FANK1: variants seen among roughly 807,000 people sequenced by gnomAD.
FANK1 encodes fibronectin type III and ankyrin repeat domains 1.
A neutral mutation model predicts 45.3 loss-of-function variants in FANK1; 44 were observed. The ratio of observed to expected loss-of-function variants is 0.97; its 90% CI spans 0.76 to 1.25. FANK1 has a LOEUF of 1.25. FANK1 is among the 50% of genes most tolerant of loss of function. FANK1 has a pLI of 0.00. For missense variants in FANK1, 391 were observed against 424.4 expected (o/e 0.92, Z 0.69); for synonymous variants, 149 against 152.5 (o/e 0.98, Z 0.17).
intron 1 of FANK1, among the ~76,000 whole-genome samples, chr10:125,970,631 G>C (rs1460575422): frequency 6.6e-6 from 1 of 152,180 alleles, no homozygotes; most frequent in Non-Finnish European, 1.5e-5. Context: ...GGGCCAACAC[G>C]GCGAAACCCC....
At chr10:125,960,874 A>G (rs1949880567) in intron 1 of FANK1, among the ~76,000 whole-genome samples, 1 of 152,152 alleles carries the variant, frequency 6.6e-6, no homozygotes, top group South Asian at 2.1e-4. Flanking sequence ...GACATTCTTC[A>G]TAGAAATAAA....
intron 1 of FANK1, among the ~76,000 whole-genome samples, chr10:125,976,666 A>G (rs141826189): frequency 0.022 from 3,290 of 151,636 alleles, 117 homozygotes; most frequent in African/African-American, 0.075. Flanking sequence ...TCTGTCACCC[A>G]GGCTGGAGTG....
chr10:125,949,492 C>A (rs1949051532), intron 1 of FANK1, among the ~76,000 whole-genome samples: 2 of 152,146 alleles, frequency 1.3e-5, no homozygotes, highest in South Asian at 4.2e-4. Context: ...AGAGCCAAAT[C>A]ATGAGTGAAC....
At chr10:125,943,827 C>T (rs932113139) in intron 1 of FANK1, among the ~76,000 whole-genome samples, 5 of 152,150 alleles carry the variant, frequency 3.3e-5, no homozygotes, top group Admixed American at 6.6e-5. Flanking sequence ...TCAAGAAGAA[C>T]GTGTAACTTG....
intron 7 of FANK1, among the ~76,000 whole-genome samples, chr10:126,006,428 T>C (rs758867949): frequency 3.9e-5 from 6 of 152,218 alleles, no homozygotes; most frequent in Non-Finnish European, 7.3e-5. Context: ...TGGGCTTCCA[T>C]AGTAGAGCCG....
At chr10:125,991,250 GGTGTGT>G (rs113257579) in intron 3 of FANK1, among the ~76,000 whole-genome samples, 40 of 145,998 alleles carry the variant, frequency 2.7e-4, no homozygotes, top group Admixed American at 1.2e-3. Flanking sequence ...GGTGACCAGG[GGTGTGT>G]GTGTGTGTGT....
chr10:125,933,229 C>T (rs949598260), intron 1 of FANK1, among the ~76,000 whole-genome samples: 3 of 151,850 alleles, frequency 2.0e-5, no homozygotes, highest in African/African-American at 7.3e-5. Flanking sequence ...CTTTGAATAT[C>T]TGGTAGAATT....
intron 1 of FANK1, among the ~76,000 whole-genome samples, chr10:125,899,056 C>T (rs76326383): frequency 3.3e-5 from 5 of 151,752 alleles, no homozygotes; most frequent in Admixed American, 6.6e-5. Context: ...CACCATACCC[C>T]GCTAATTTAT....
In FANK1 at chr10:125,994,520, TAGC is replaced by T. The variant is rs1293593773; in HGVS notation, c.317-896_317-894del. The T allele has an allele frequency of 4.1e-6, 4 of 985,274 alleles. No homozygotes were observed. The African/African-American group carries it at 7.0e-5, about 17-fold the overall frequency. 61.0% of individuals were successfully genotyped at this position (985,274 alleles called of 1,614,324 possible). A position where few individuals can be genotyped will look rare whatever the true frequency, so the allele number is the denominator to read the frequency against. ...GTGGGGCTGTATCCACTGACGATGG[TAGC>T]TGCTGTACTGTCACCCCCAACAACA... is the stretch of plus-strand genomic sequence containing the variant. On this transcript the variant is annotated intron_variant, in intron 3 of 10. Coordinates refer to ENST00000368693, the MANE Select transcript of FANK1 (RefSeq NM_145235.5).
At position 125,907,054 on chromosome 10, in the gene FANK1, A is replaced by T. The variant is rs2096165; in HGVS notation, c.13+10399A>T. 2.1e-4 allele frequency among the ~76,000 whole-genome samples: 32 copies of T among 152,314 alleles called. No individual in the cohort carries two copies. The South Asian group carries it at 6.6e-3, about 32-fold the overall frequency. Reference sequence around the variant, plus strand: ...TTACTGAACCAGGGTTGTTCTAAGGATTAGTGAAATGTATGTAAAGCCTTT... The same window carrying T: ...TTACTGAACCAGGGTTGTTCTAAGGTTTAGTGAAATGTATGTAAAGCCTTT... On this transcript the variant is annotated intron_variant, in intron 1 of 10. Coordinates refer to ENST00000368693, the MANE Select transcript of FANK1 (RefSeq NM_145235.5).
intron 3 of FANK1, chr10:125,994,352 C>T (rs1328650702): frequency 2.0e-6 from 2 of 979,750 alleles, no homozygotes; most frequent in Non-Finnish European, 2.4e-6. Flanking sequence ...GAGCCTAGCA[C>T]AGGACTTGGC....
At chr10:125,913,216 C>G (rs1365139150) in intron 1 of FANK1, among the ~76,000 whole-genome samples, 5 of 152,156 alleles carry the variant, frequency 3.3e-5, no homozygotes, top group Non-Finnish European at 7.3e-5. Context: ...TGGTAATTCT[C>G]CACCCTTATC....
rs1310944869 is a variant in FANK1 at position 125,983,784 on chromosome 10, T to G, written c.191+3446T>G. Reference sequence around the variant, plus strand: ...TGAGGGTTATTGGGAGAACTCTGGCTTACTCTGAGAGAGGCGGGGAAAGCC... The same window carrying G: ...TGAGGGTTATTGGGAGAACTCTGGCGTACTCTGAGAGAGGCGGGGAAAGCC... On this transcript the variant is annotated intron_variant, in intron 2 of 10. Transcript: ENST00000368693. This position sits in a 1 kb window ranked among gnomAD's most constrained non-coding sequence, Gnocchi z 4.3. Among the ~76,000 whole-genome samples, 1 of 152,136 alleles carries G rather than the reference T, an allele frequency of 6.6e-6. No individual in the cohort carries two copies. The highest frequency in any genetic ancestry group is 1.9e-4 in the East Asian group (1 of 5,194).
intron 1 of FANK1, among the ~76,000 whole-genome samples, chr10:125,975,855 G>A (rs1950821244): frequency 6.6e-6 from 1 of 152,206 alleles, no homozygotes; most frequent in Admixed American, 6.5e-5. Context: ...GTCAGCTGGT[G>A]CTGTCACTGA....
chr10:125,953,651 A>G (rs1171162230), intron 1 of FANK1, among the ~76,000 whole-genome samples: 1 of 152,208 alleles, frequency 6.6e-6, no homozygotes, highest in African/African-American at 2.4e-5. Context: ...AGAAAGCCAG[A>G]GGGCCAGAAT....
chr10:125,971,652 C>G (rs191023415), intron 1 of FANK1, among the ~76,000 whole-genome samples: 1 of 152,054 alleles, frequency 6.6e-6, no homozygotes, highest in Admixed American at 6.5e-5. Context: ...GACGGAGTCT[C>G]GCTCCGTCGC....
chr10:125,939,074 A>G (rs533369243), intron 1 of FANK1, among the ~76,000 whole-genome samples: 28 of 152,162 alleles, frequency 1.8e-4, no homozygotes, highest in Non-Finnish European at 3.5e-4. Context: ...TCTTTTTGCT[A>G]AAAGTGTTTA....
intron 7 of FANK1, among the ~76,000 whole-genome samples, chr10:126,006,455 G>A (rs1953210020): frequency 1.3e-5 from 2 of 152,234 alleles, no homozygotes. Flanking sequence ...CGTGCCATGT[G>A]TGGTAGTGAC....
At position 125,980,285 on chromosome 10, in the gene FANK1, G is replaced by T; in HGVS notation, c.138G>T (p.Arg46Ser). Residue 46 changes from arginine to serine, a missense_variant, in exon 2 of 11, where the codon AGG (arginine) becomes AGT (serine). Arg to Ser is a moderately radical substitution (Grantham distance 110). Transcript: ENST00000368693. ...KRQGPQEQWF[R>S]FSIEEEDPKM... Reference sequence around the variant, plus strand: ...AAGGACCTCAAGAGCAGTGGTTCAGGTTCTCGATTGAAGAAGAAGACCCCA... The same window carrying T: ...AAGGACCTCAAGAGCAGTGGTTCAGTTTCTCGATTGAAGAAGAAGACCCCA... 6.2e-7 allele frequency: 1 copy of T among 1,614,034 alleles called. No homozygotes were observed. Among genetic ancestry groups the T allele is most frequent in the Non-Finnish European group, 8.5e-7 (1 of 1,179,978 alleles).
Sources: allele counts gnomAD v4.1 joint callset (sites outside exome capture counted in the v4.1 genomes callset), GRCh38; gene constraint gnomAD v4.1.1; non-coding constraint Gnocchi (gnomAD v3.1); transcripts MANE v1.5; gene names NCBI Gene and HGNC (gene_info 2026-07-23, HGNC 2026-07-21).